Variants in HERPUD1 observed in about 807,000 individuals in gnomAD.
The protein encoded by HERPUD1 is homocysteine inducible ER protein with ubiquitin like domain 1.
In HERPUD1, 17 loss-of-function variants were observed where a neutral mutation model predicts 45.0. The ratio of observed to expected loss-of-function variants is 0.38; its 90% confidence interval spans 0.26 to 0.57. HERPUD1 has a LOEUF of 0.57. HERPUD1 is among the 20% of genes least tolerant of loss of function. The pLI is 0.72. For synonymous variants in HERPUD1, 164 were observed against 177.5 expected (o/e 0.92, Z 0.61); for missense variants, 420 against 490.5 (o/e 0.86, Z 1.36).
In HERPUD1 at chr16:56,934,702, CTTTT is replaced by C. The variant is rs869088050; in HGVS notation, c.148-509_148-506del. On this transcript the variant is annotated intron_variant, in intron 1 of 7. Transcript: ENST00000439977. The stretch of plus-strand genomic sequence containing the variant: ...TTTGGACTGGAGATAATTTGCCATT[CTTTT>C]TTTTTTTTTTTTTTTTTTTTTTTGA... 2.5e-4 allele frequency among the ~76,000 whole-genome samples: 15 copies of C among 59,858 alleles called. No individual in the cohort carries two copies. The East Asian group carries it at 4.6e-3, about 18-fold the overall frequency. 39.3% of individuals were successfully genotyped at this position (59,858 alleles called of 152,430 possible).
intron 6 of HERPUD1, 81 bp from the exon 7 acceptor site, chr16:56,942,051 T>C: frequency 1.9e-6 from 2 of 1,073,224 alleles, no homozygotes; most frequent in Non-Finnish European, 2.9e-6. Flanking sequence ...CTGCTGTGAT[T>C]AGAGGTGGGG....
Position 56,932,193 on chromosome 16 carries a change from GCCTGC to G in HERPUD1, c.-50_-46del. On this transcript the variant is annotated 5_prime_UTR_variant, in exon 1 of 8. Coordinates refer to ENST00000439977, the MANE Select transcript of HERPUD1 (RefSeq NM_014685.4). ...AGAGATTGCGGGCGGCTGAGACGCCGCCTGCCTGGCACCTAGGAGCGCAGCGGAGC... is the reference window on the plus strand; with the variant it reads ...AGAGATTGCGGGCGGCTGAGACGCCGCTGGCACCTAGGAGCGCAGCGGAGC... 2 of 1,588,340 alleles carry G rather than the reference GCCTGC, an allele frequency of 1.3e-6. No individual in the cohort carries two copies. The highest frequency in any genetic ancestry group is 1.1e-5 in the South Asian group (1 of 89,264).
chr16:56,936,487 A>T (rs1596978686), intron 3 of HERPUD1, 200 bp from the exon 4 acceptor site: 1 of 358,908 alleles, frequency 2.8e-6, no homozygotes, highest in African/African-American at 2.1e-5. Context: ...AAATATGAAT[A>T]TTTTAGCATC....
intron 5 of HERPUD1, 88 bp from the exon 6 acceptor site, chr16:56,939,807 T>G (rs1408849914): frequency 1.0e-6 from 1 of 997,446 alleles, no homozygotes; most frequent in East Asian, 2.4e-5. Context: ...TTGAAATTCT[T>G]AACAGTAAAA....
At position 56,944,477 on chromosome 16, in the gene HERPUD1, T is replaced by C. The variant is rs753674590; in HGVS notation, c.*1187T>C. 3 of 152,184 alleles carry C rather than the reference T, an allele frequency of 2.0e-5. No individual in the cohort carries two copies. The highest frequency in any genetic ancestry group is 2.9e-5 in the Non-Finnish European group (2 of 68,064). 9.4% of individuals were successfully genotyped at this position (152,184 alleles called of 1,614,324 possible). ...GTTTTTTTTGGTGGTGTTTTTGTTT[T>C]TGTTTTGAGATGGAGTCTCACTCTG... is the stretch of plus-strand genomic sequence containing the variant. On this transcript the variant is annotated 3_prime_UTR_variant, in exon 8 of 8. Coordinates refer to ENST00000439977, the MANE Select transcript of HERPUD1 (RefSeq NM_014685.4).
chr16:56,942,298 T>C, intron 7 of HERPUD1, 61 bp downstream of exon 7: 1 of 1,087,584 alleles, frequency 9.2e-7, no homozygotes, highest in Non-Finnish European at 1.4e-6. Context: ...TCTCCAATCC[T>C]CAACCTTTAG....
At position 56,935,478 on chromosome 16, in the gene HERPUD1, G is replaced by T. The variant is rs1596977917; in HGVS notation, c.300+3G>T. 1.2e-6 allele frequency: 2 copies of T among 1,611,702 alleles called. No homozygotes were observed. Among genetic ancestry groups the T allele is most frequent in the East Asian group, 4.5e-5 (2 of 44,872 alleles). Reference sequence around the variant, plus strand: ...AAATGCCAGAAATCAACGCCAAGGTGTGTCTGCCTCTTCATGATGGTAACA... The same window carrying T: ...AAATGCCAGAAATCAACGCCAAGGTTTGTCTGCCTCTTCATGATGGTAACA... On this transcript the variant is annotated splice_donor_region_variant and intron_variant, in intron 3 of 7. Coordinates refer to ENST00000439977, the MANE Select transcript of HERPUD1 (RefSeq NM_014685.4).
intron 4 of HERPUD1, among the ~76,000 whole-genome samples, chr16:56,938,742 C>T (rs2055886246): frequency 6.6e-6 from 1 of 152,042 alleles, no homozygotes; most frequent in South Asian, 2.1e-4. Flanking sequence ...ACAGGACCCC[C>T]GGTGGTCAGT....
At chr16:56,941,455 G>A (rs191509172) in intron 6 of HERPUD1, 1 of 152,338 alleles carries the variant, frequency 6.6e-6, no homozygotes, top group East Asian at 1.9e-4. Context: ...ACAATGCACA[G>A]GACAACTCCC....
Position 56,944,823 on chromosome 16 carries a change from G to A in HERPUD1, c.*1533G>A, listed in dbSNP as rs1233533741. 6.6e-6 allele frequency: 1 copy of A among 152,166 alleles called. No individual in the cohort carries two copies. The highest frequency in any genetic ancestry group is 2.4e-5 in the African/African-American group (1 of 41,432). The allele number at this position is 152,166 out of a possible 1,614,324, so 9.4% of individuals were successfully genotyped here. A position where few individuals can be genotyped will look rare whatever the true frequency, so the allele number is the denominator to read the frequency against. On this transcript the variant is annotated 3_prime_UTR_variant, in exon 8 of 8. Coordinates refer to ENST00000439977, the MANE Select transcript of HERPUD1 (RefSeq NM_014685.4). ...TATTTTTACGTGAGTAATGTTATGTGTAGGTGTTCTATTTGGCAAAATAAA... is the reference window on the plus strand; with the variant it reads ...TATTTTTACGTGAGTAATGTTATGTATAGGTGTTCTATTTGGCAAAATAAA...
At chr16:56,937,653 C>A (rs1286093993) in intron 4 of HERPUD1, among the ~76,000 whole-genome samples, 1 of 151,078 alleles carries the variant, frequency 6.6e-6, no homozygotes, top group East Asian at 1.9e-4. Context: ...AAGTAATTCC[C>A]AGGCATCATG....
At chr16:56,932,512 G>A (rs1022237208) in intron 1 of HERPUD1, 121 bp downstream of exon 1, 44 of 931,886 alleles carry the variant, frequency 4.7e-5, no homozygotes, top group Admixed American at 8.9e-5. Context: ...CGCTCGGCCG[G>A]TCACCTCCCC....
In HERPUD1 at chr16:56,943,539, A is replaced by G; in HGVS notation, c.*249A>G. ...TAATATATACTCTATGTAGTTTAATAAGCACTGTACGTAGAAGGCCTTAGG... is the reference window on the plus strand; with the variant it reads ...TAATATATACTCTATGTAGTTTAATGAGCACTGTACGTAGAAGGCCTTAGG... On this transcript the variant is annotated 3_prime_UTR_variant, in exon 8 of 8. Transcript: ENST00000439977. 1.8e-6 allele frequency: 1 copy of G among 545,752 alleles called. No individual in the cohort carries two copies. The highest frequency in any genetic ancestry group is 3.3e-6 in the Non-Finnish European group (1 of 301,546). The allele number at this position is 545,752 out of a possible 1,614,324, so 33.8% of individuals were successfully genotyped here. A position where few individuals can be genotyped will look rare whatever the true frequency, so the allele number is the denominator to read the frequency against.
Position 56,943,230 on chromosome 16 carries a change from T to G in HERPUD1, c.1116T>G (p.Leu372=), listed in dbSNP as rs961487430. 6.2e-7 allele frequency: 1 copy of G among 1,614,204 alleles called. No homozygotes were observed. Among genetic ancestry groups the G allele is most frequent in the Admixed American group, 1.7e-5 (1 of 60,030 alleles). ...TSPSFMSTAW[L]VFKTFFASLL... is the part of the protein sequence containing the mutation. Reference sequence around the variant, plus strand: ...CCTCCTTTATGAGCACAGCATGGCTTGTCTTCAAGACTTTCTTTGCCTCTC... The same window carrying G: ...CCTCCTTTATGAGCACAGCATGGCTGGTCTTCAAGACTTTCTTTGCCTCTC... The change falls in exon 8 of 8, where the codon CTT becomes CTG. Residue 372 remains leucine, a synonymous_variant. Coordinates refer to ENST00000439977, the MANE Select transcript of HERPUD1 (RefSeq NM_014685.4).
At chr16:56,938,675 C>G (rs1206996421) in intron 4 of HERPUD1, among the ~76,000 whole-genome samples, 1 of 152,138 alleles carries the variant, frequency 6.6e-6, no homozygotes, top group East Asian at 1.9e-4. Context: ...CTGAGCTGTA[C>G]TTGGGTTCCC....
At chr16:56,939,049 G>C (rs1431663531) in intron 4 of HERPUD1, 188 bp from the exon 5 acceptor site, 5 of 619,234 alleles carry the variant, frequency 8.1e-6, no homozygotes, top group African/African-American at 3.7e-5. Flanking sequence ...TGGTAGAAGT[G>C]CTGTGTCATT....
In HERPUD1 at chr16:56,934,001, T is replaced by G. The variant is rs545038544; in HGVS notation, c.148-1234T>G. 1.6e-4 allele frequency among the ~76,000 whole-genome samples: 25 copies of G among 152,344 alleles called. No individual in the cohort carries two copies. The South Asian group carries it at 5.0e-3, about 30-fold the overall frequency. On this transcript the variant is annotated intron_variant, in intron 1 of 7. Transcript: ENST00000439977. ...CAGCATTCAGTATATTTATTTTGGT[T>G]TAGTTACACAGTGTCAAAAAGTTCT...
At chr16:56,941,081 T>C (rs1189924069) in intron 6 of HERPUD1, 1 of 152,212 alleles carries the variant, frequency 6.6e-6, no homozygotes, top group Non-Finnish European at 1.5e-5. Flanking sequence ...TCTTGTCCTC[T>C]AGATAAGCTA....
chr16:56,933,450 T>C, intron 1 of HERPUD1: 1 of 425,092 alleles, frequency 2.4e-6, no homozygotes, highest in South Asian at 1.7e-5. Flanking sequence ...TGGGTGGCTG[T>C]GTTGCCATGA....
Sources: allele counts gnomAD v4.1 joint callset (sites outside exome capture counted in the v4.1 genomes callset), GRCh38; gene constraint gnomAD v4.1.1; transcripts MANE v1.5; gene names NCBI Gene and HGNC (gene_info 2026-07-23, HGNC 2026-07-21).